C8orf34: variants seen among roughly 807,000 people sequenced by gnomAD.
C8orf34 encodes uncharacterized protein C8orf34.
C8orf34 carries 65 observed loss-of-function variants against 68.3 expected under a neutral mutation model. The observed-to-expected ratio is 0.95, with a 90% CI of 0.78 to 1.17. C8orf34 has a LOEUF of 1.17. Ranked by LOEUF, C8orf34 falls within the 50% of genes most tolerant of loss-of-function variation. C8orf34 has a pLI of 0.00. For synonymous variants in C8orf34, 244 were observed against 241.2 expected (o/e 1.01, Z -0.11); for missense variants, 664 against 655.4 (o/e 1.01, Z -0.14).
intron 5 of C8orf34, among the ~76,000 whole-genome samples, chr8:68,489,940 CATA>C: frequency 6.6e-6 from 1 of 152,108 alleles, no homozygotes; most frequent in Non-Finnish European, 1.5e-5. Context: ...AACAAACCAT[CATA>C]ATATTTTAGA....
intron 1 of C8orf34, among the ~76,000 whole-genome samples, chr8:68,408,143 C>G (rs1333471015): frequency 6.6e-6 from 1 of 151,896 alleles, no homozygotes; most frequent in African/African-American, 2.4e-5. Context: ...ATTAGATTCT[C>G]CCAGGAGCAG....
intron 8 of C8orf34, among the ~76,000 whole-genome samples, chr8:68,654,292 T>C (rs1366988333): frequency 2.6e-5 from 4 of 152,190 alleles, no homozygotes; most frequent in Non-Finnish European, 5.9e-5. Context: ...ATTTCTGTTG[T>C]TGATAAATTA....
At chr8:68,612,225 C>T (rs1234265081) in intron 7 of C8orf34, among the ~76,000 whole-genome samples, 1 of 152,216 alleles carries the variant, frequency 6.6e-6, no homozygotes. Context: ...ATCTATGTGC[C>T]AGACACTACT....
rs200441932 is a variant in C8orf34, at chr8:68,464,351, G to T, written c.608-4341G>T. 2.5e-4 allele frequency among the ~76,000 whole-genome samples: 38 copies of T among 152,072 alleles called. 1 individual carries two copies. Among genetic ancestry groups the T allele is most frequent in the Admixed American group, 6.5e-4 (10 of 15,272 alleles). ...CATGCTCATGGGTAGGAAGAATCAA[G>T]ATCGTGAAAATGGCCATACTGCCCA... On this transcript the variant is annotated intron_variant, in intron 3 of 13. Coordinates refer to ENST00000518698, the MANE Select transcript of C8orf34 (RefSeq NM_052958.4).
intron 10 of C8orf34, among the ~76,000 whole-genome samples, chr8:68,722,434 G>A (rs1821702677): frequency 6.6e-6 from 1 of 152,004 alleles, no homozygotes; most frequent in Admixed American, 6.6e-5. Flanking sequence ...AACACTCTGT[G>A]ACGAGATTAC....
chr8:68,448,475 T>C (rs953008621), intron 3 of C8orf34, among the ~76,000 whole-genome samples: 1 of 152,172 alleles, frequency 6.6e-6, no homozygotes, highest in Non-Finnish European at 1.5e-5. Context: ...TCTCTGTACG[T>C]AGATTGTGAT....
At position 68,338,642 on chromosome 8, in the gene C8orf34, G is replaced by A. The variant is rs148982407; in HGVS notation, c.327+7303G>A. On this transcript the variant is annotated intron_variant, in intron 1 of 13. Transcript: ENST00000518698. Reference sequence around the variant, plus strand: ...CCTAATTATTTTAATATTCATCCATGTTGCAGCATGTTACCAATTTTTATT... The same window carrying A: ...CCTAATTATTTTAATATTCATCCATATTGCAGCATGTTACCAATTTTTATT... Among the ~76,000 whole-genome samples the A allele has an allele frequency of 1.7e-3, 255 of 152,136 alleles. 3 individuals are homozygous for A. Among genetic ancestry groups the A allele is most frequent in the Middle Eastern group, 0.01 (3 of 294 alleles).
rs190090153 is a variant in C8orf34 at position 68,435,850 on chromosome 8, A to G, written c.328-3649A>G. Among the ~76,000 whole-genome samples, 3 of 152,286 alleles carry G rather than the reference A, an allele frequency of 2.0e-5. No homozygotes were observed. In the East Asian group the frequency reaches 5.8e-4, roughly 29 times the overall value. ...TCCATGGCAACCGTATGATGTAGCT[A>G]CTATTGTTTTTCACATCTAATAGAT... On this transcript the variant is annotated intron_variant, in intron 1 of 13. Coordinates refer to ENST00000518698, the MANE Select transcript of C8orf34 (RefSeq NM_052958.4).
intron 7 of C8orf34, chr8:68,625,569 A>G (rs1476773696): frequency 1.4e-6 from 1 of 699,660 alleles, no homozygotes; most frequent in Non-Finnish European, 2.6e-6. Flanking sequence ...CCAAGAAAGC[A>G]ACACAGAATG....
At chr8:68,629,202 C>A (rs1818620325) in intron 7 of C8orf34, among the ~76,000 whole-genome samples, 1 of 152,148 alleles carries the variant, frequency 6.6e-6, no homozygotes, top group South Asian at 2.1e-4. Flanking sequence ...TAGCTCCATT[C>A]CAAACTCCTT....
At chr8:68,796,442 G>A (rs947182279) in intron 12 of C8orf34, among the ~76,000 whole-genome samples, 7 of 151,972 alleles carry the variant, frequency 4.6e-5, no homozygotes, top group Non-Finnish European at 7.4e-5. Context: ...TTCAAAATCG[G>A]GTATAGAACC....
rs1415770998 is a variant in C8orf34, at chr8:68,604,998, A to G, written c.1106-35378A>G. Among the ~76,000 whole-genome samples, 6 of 152,198 alleles carry G rather than the reference A, an allele frequency of 3.9e-5. No individual in the cohort carries two copies. The East Asian group carries it at 9.6e-4, about 24-fold the overall frequency. ...CATCCAAAATATATAAAGAACCCTTAAAATTCAACAATAAGAAAACAAAGG... is the reference window on the plus strand; with the variant it reads ...CATCCAAAATATATAAAGAACCCTTGAAATTCAACAATAAGAAAACAAAGG... On this transcript the variant is annotated intron_variant, in intron 7 of 13. Coordinates refer to ENST00000518698, the MANE Select transcript of C8orf34 (RefSeq NM_052958.4).
chr8:68,611,543 G>A (rs1027751992), intron 7 of C8orf34, among the ~76,000 whole-genome samples: 48 of 152,222 alleles, frequency 3.2e-4, no homozygotes, highest in African/African-American at 1.1e-3. Context: ...TTAATACACA[G>A]CATTATTTAA....
chr8:68,523,892 G>C (rs1467423658), intron 6 of C8orf34, among the ~76,000 whole-genome samples: 2 of 152,112 alleles, frequency 1.3e-5, no homozygotes, highest in East Asian at 3.9e-4. Context: ...TCCTGAAAGA[G>C]AAAACTTAAT....
At chr8:68,509,014 C>T (rs749667513) in intron 5 of C8orf34, among the ~76,000 whole-genome samples, 27 of 152,178 alleles carry the variant, frequency 1.8e-4, no homozygotes, top group Non-Finnish European at 3.1e-4. Context: ...ACTTCTGGGT[C>T]TCCACCCCAG....
In C8orf34 at chr8:68,446,473, C is replaced by G; in HGVS notation, c.607+13C>G. The stretch of plus-strand genomic sequence containing the variant: ...GACTCCAAATCATGTAAGGAAGTCT[C>G]TTATTCAAATGCTATTCAAAGCATG... On this transcript the variant is annotated intron_variant, in intron 3 of 13. Coordinates refer to ENST00000518698, the MANE Select transcript of C8orf34 (RefSeq NM_052958.4). 6.2e-7 allele frequency: 1 copy of G among 1,606,880 alleles called. No homozygotes were observed. The highest frequency in any genetic ancestry group is 8.5e-7 in the Non-Finnish European group (1 of 1,177,598).
chr8:68,441,164 G>T (rs1810894500), intron 2 of C8orf34, among the ~76,000 whole-genome samples: 1 of 151,738 alleles, frequency 6.6e-6, no homozygotes, highest in South Asian at 2.1e-4. Flanking sequence ...AGAAGTCTGT[G>T]CACGGTTTAG....
At chr8:68,371,601 CTTT>C (rs747648137) in intron 1 of C8orf34, among the ~76,000 whole-genome samples, 7 of 138,294 alleles carry the variant, frequency 5.1e-5, no homozygotes, top group Admixed American at 7.3e-5. Flanking sequence ...TCATTTCTTT[CTTT>C]TTTTTTTTTT....
intron 11 of C8orf34, among the ~76,000 whole-genome samples, chr8:68,777,566 A>T (rs1823556685): frequency 6.6e-6 from 1 of 152,208 alleles, no homozygotes; most frequent in Non-Finnish European, 1.5e-5. Context: ...CACTGCCATC[A>T]TCGGGGGCTT....
Sources: allele counts gnomAD v4.1 joint callset (sites outside exome capture counted in the v4.1 genomes callset), GRCh38; gene constraint gnomAD v4.1.1; transcripts MANE v1.5; gene names NCBI Gene and HGNC (gene_info 2026-07-23, HGNC 2026-07-21).